Variants in TXNDC16 observed in about 807,000 individuals in gnomAD.
TXNDC16 encodes thioredoxin domain containing 16, also known as thioredoxin domain-containing protein 16.
In TXNDC16, 74 loss-of-function variants were observed where a neutral mutation model predicts 85.6. That is an observed-to-expected ratio of 0.86 (90% CI 0.72 to 1.05). TXNDC16 has a LOEUF of 1.05. Ranked by LOEUF, TXNDC16 falls within the 50% of genes least tolerant of loss-of-function variation. TXNDC16 has a pLI of 0.00. For synonymous variants in TXNDC16, 335 were observed against 326.5 expected, an observed-to-expected ratio of 1.03 and a Z score of -0.28; for missense variants, 959 against 947.0, an observed-to-expected ratio of 1.01 and a Z score of -0.17.
chr14:52,441,746 T>C (rs1313297979), intron 18 of TXNDC16, among the ~76,000 whole-genome samples: 2 of 152,208 alleles, frequency 1.3e-5, no homozygotes, highest in East Asian at 1.9e-4. Flanking sequence ...GTTATTTTCA[T>C]GGAACCTTCA....
At chr14:52,485,994 G>C (rs1265033291) in intron 12 of TXNDC16, among the ~76,000 whole-genome samples, 2 of 152,182 alleles carry the variant, frequency 1.3e-5, no homozygotes, top group Admixed American at 6.5e-5. Flanking sequence ...AAGCATGAGA[G>C]TTGCACTATA....
chr14:52,531,614 A>T lies in TXNDC16; in HGVS notation c.392+5105T>A, dbSNP rs375912669. Among the ~76,000 whole-genome samples the T allele has an allele frequency of 4.6e-5, 7 of 152,262 alleles. No individual in the cohort carries two copies. The East Asian group carries it at 1.4e-3, about 29-fold the overall frequency. On this transcript the variant is annotated intron_variant, in intron 6 of 20. Coordinates refer to ENST00000281741, the MANE Select transcript of TXNDC16 (RefSeq NM_020784.3). ...TTGTATCACATCTGGAAAAGACAAA[A>T]CTACAAAGATAGTAAAAAGATCAGT...
At position 52,549,405 on chromosome 14, in the gene TXNDC16, A is replaced by G. The variant is rs528417141; in HGVS notation, c.-182+2911T>C. On this transcript the variant is annotated intron_variant, in intron 1 of 20. Coordinates refer to ENST00000281741, the MANE Select transcript of TXNDC16 (RefSeq NM_020784.3). ...CTAAAGCGTGCACATAAAATGTTAA[A>G]GGCGACAAAAGTGTGTTTTGTTCAG... Among the ~76,000 whole-genome samples, 100 of 152,328 alleles carry G rather than the reference A, an allele frequency of 6.6e-4. No homozygotes were observed. In the Middle Eastern group the frequency reaches 0.017, roughly 26 times the overall value.
chr14:52,531,589 T>C (rs534166777), intron 6 of TXNDC16, among the ~76,000 whole-genome samples: 4 of 152,250 alleles, frequency 2.6e-5, no homozygotes, highest in African/African-American at 9.6e-5. Context: ...ATGATTCCAA[T>C]TGTATCACAT....
At chr14:52,504,525 G>A (rs1327552461) in intron 9 of TXNDC16, among the ~76,000 whole-genome samples, 1 of 152,172 alleles carries the variant, frequency 6.6e-6, no homozygotes, top group East Asian at 1.9e-4. Flanking sequence ...AATGCTGAGA[G>A]ATTTTGTCAC....
intron 1 of TXNDC16, among the ~76,000 whole-genome samples, chr14:52,548,830 C>G (rs928793412): frequency 1.3e-5 from 2 of 151,652 alleles, no homozygotes; most frequent in Admixed American, 6.6e-5. Flanking sequence ...TGCAGTGAGC[C>G]GAGATCACAC....
chr14:52,454,671 C>G (rs1432648086), intron 18 of TXNDC16, among the ~76,000 whole-genome samples: 1 of 119,012 alleles, frequency 8.4e-6, no homozygotes, highest in African/African-American at 3.2e-5. Context: ...AAAAAAAAAG[C>G]CAGGTGTAGT....
At chr14:52,545,744 G>A (rs1401426721) in intron 1 of TXNDC16, among the ~76,000 whole-genome samples, 1 of 152,198 alleles carries the variant, frequency 6.6e-6, no homozygotes, top group Non-Finnish European at 1.5e-5. Context: ...AAGAAAGAGG[G>A]GAAAGGGAGT....
intron 14 of TXNDC16, among the ~76,000 whole-genome samples, chr14:52,477,733 A>T (rs553870487): frequency 6.6e-6 from 1 of 152,292 alleles, no homozygotes; most frequent in South Asian, 2.1e-4. Flanking sequence ...ATAGTGGGAG[A>T]CTTCAATACT....
At chr14:52,509,495 T>TAA (rs11459748) in intron 9 of TXNDC16, among the ~76,000 whole-genome samples, 7,480 of 150,398 alleles carry the variant, frequency 0.05, 467 homozygotes, top group East Asian at 0.17. Flanking sequence ...CTGCTTTCTT[T>TAA]AAAAAAAAAA....
At chr14:52,512,936 C>T (rs2036991418) in intron 8 of TXNDC16, among the ~76,000 whole-genome samples, 1 of 152,102 alleles carries the variant, frequency 6.6e-6, no homozygotes, top group African/African-American at 2.4e-5. Context: ...ATTCTAAGTT[C>T]CTGGGAGAGA....
chr14:52,440,745 CA>C (rs1257484842), intron 18 of TXNDC16, 21 bp from the exon 19 acceptor site: 2 of 1,597,148 alleles, frequency 1.3e-6, no homozygotes, highest in African/African-American at 2.7e-5. Context: ...AAAGGAATAA[CA>C]ACAATAAAAA....
intron 9 of TXNDC16, among the ~76,000 whole-genome samples, chr14:52,498,557 T>C (rs755548903): frequency 3.3e-5 from 5 of 151,514 alleles, no homozygotes; most frequent in Non-Finnish European, 7.4e-5. Flanking sequence ...AAGAAAATAA[T>C]CCCATTTACA....
intron 14 of TXNDC16, among the ~76,000 whole-genome samples, chr14:52,476,801 A>C (rs1242763144): frequency 6.6e-6 from 1 of 152,204 alleles, no homozygotes; most frequent in African/African-American, 2.4e-5. Context: ...AGAACTAGGC[A>C]TCCAAGTACA....
At chr14:52,495,462 T>A (rs577613095) in intron 9 of TXNDC16, among the ~76,000 whole-genome samples, 1 of 152,270 alleles carries the variant, frequency 6.6e-6, no homozygotes, top group East Asian at 1.9e-4. Flanking sequence ...CACCTTAGCC[T>A]CATTCTGTTG....
intron 6 of TXNDC16, among the ~76,000 whole-genome samples, chr14:52,527,180 C>G (rs1167084293): frequency 6.6e-6 from 1 of 152,198 alleles, no homozygotes; most frequent in African/African-American, 2.4e-5. Flanking sequence ...ATGAGAACCC[C>G]AATTTATAGC....
intron 11 of TXNDC16, 46 bp downstream of exon 11, chr14:52,490,345 T>C (rs1426806867): frequency 1.5e-6 from 2 of 1,363,830 alleles, no homozygotes; most frequent in Non-Finnish European, 2.0e-6. Flanking sequence ...ATATTAGCTT[T>C]CTTTAAATAA....
In TXNDC16 at chr14:52,430,671, A is replaced by G. The variant is rs1034851090; in HGVS notation, c.*1633T>C. The G allele has an allele frequency of 6.6e-6, 1 of 152,236 alleles. No homozygotes were observed. Among genetic ancestry groups the G allele is most frequent in the African/African-American group, 2.4e-5 (1 of 41,460 alleles). 9.4% of individuals were successfully genotyped at this position (152,236 alleles called of 1,614,324 possible). A position where few individuals can be genotyped will look rare whatever the true frequency, so the allele number is the denominator to read the frequency against. On this transcript the variant is annotated 3_prime_UTR_variant, in exon 21 of 21. Transcript: ENST00000281741. ...TGTCAAAATTGCTGACAAAGGTACA[A>G]TGACTAAGCAATTTCATGTTTCTAT... is the stretch of plus-strand genomic sequence containing the variant.
At chr14:52,433,723 A>C (rs2034961163) in intron 20 of TXNDC16, among the ~76,000 whole-genome samples, 1 of 152,208 alleles carries the variant, frequency 6.6e-6, no homozygotes, top group Non-Finnish European at 1.5e-5. Context: ...CAGGGCAATA[A>C]ATTTAGGCTA....
Sources: allele counts gnomAD v4.1 joint callset (sites outside exome capture counted in the v4.1 genomes callset), GRCh38; gene constraint gnomAD v4.1.1; transcripts MANE v1.5; gene names NCBI Gene and HGNC (gene_info 2026-07-23, HGNC 2026-07-21).